Variants in ANKDD1A observed in about 807,000 individuals in gnomAD.
The protein encoded by ANKDD1A is ankyrin repeat and death domain containing 1A.
A neutral mutation model predicts 63.5 loss-of-function variants in ANKDD1A; 59 were observed. The observed-to-expected ratio is 0.93, with a 90% CI of 0.75 to 1.15. The LOEUF is 1.15. Among genes scored for constraint, ANKDD1A ranks in the 50% most tolerant of loss-of-function variants. ANKDD1A has a pLI of 0.00. For synonymous variants in ANKDD1A, 266 were observed against 263.9 expected, an observed-to-expected ratio of 1.01 and a Z score of -0.08; for missense variants, 632 against 656.4, an observed-to-expected ratio of 0.96 and a Z score of 0.41.
intron 14 of ANKDD1A, among the ~76,000 whole-genome samples, chr15:64,954,861 T>C (rs2085399689): frequency 2.9e-5 from 1 of 34,348 alleles, no homozygotes; most frequent in African/African-American, 5.3e-5. Flanking sequence ...TTCTTCTTTC[T>C]TCTCCTTTTC....
intron 6 of ANKDD1A, among the ~76,000 whole-genome samples, chr15:64,927,635 C>A (rs1198886924): frequency 7.0e-6 from 1 of 143,554 alleles, no homozygotes; most frequent in Non-Finnish European, 1.5e-5. Context: ...GACGGAGTCT[C>A]GCTCTGTCGT....
intron 8 of ANKDD1A, among the ~76,000 whole-genome samples, chr15:64,933,884 A>T (rs1298936869): frequency 1.3e-5 from 2 of 152,076 alleles, no homozygotes; most frequent in Non-Finnish European, 2.9e-5. Flanking sequence ...TACCAGCCAT[A>T]GAATTGGGCA....
intron 14 of ANKDD1A, among the ~76,000 whole-genome samples, chr15:64,955,252 A>G (rs757108284): frequency 2.8e-4 from 43 of 152,002 alleles, no homozygotes; most frequent in Non-Finnish European, 5.3e-4. Context: ...ACGGGGTTTC[A>G]CTGTGTTAGC....
chr15:64,945,498 A>G (rs937042384), intron 12 of ANKDD1A, among the ~76,000 whole-genome samples: 2 of 150,966 alleles, frequency 1.3e-5, no homozygotes, highest in East Asian at 3.9e-4. Context: ...GCTTTGTGTT[A>G]GATGATTTGC....
chr15:64,951,395 CTCT>C (rs1566915533), intron 14 of ANKDD1A: 3 of 104,002 alleles, frequency 2.9e-5, no homozygotes, highest in African/African-American at 6.4e-5. Context: ...TTTCTTCTTC[CTCT>C]TTTTTCTTTT....
In ANKDD1A at chr15:64,915,377, G is replaced by A. The variant is rs575145269; in HGVS notation, c.35-420G>A. ...CTCTGGCCTCACCCGGCGCTGGCACGCAGTAGGTGGCTCAGTAAATCCTGG... is the reference window on the plus strand; with the variant it reads ...CTCTGGCCTCACCCGGCGCTGGCACACAGTAGGTGGCTCAGTAAATCCTGG... On this transcript the variant is annotated intron_variant, in intron 1 of 14. Coordinates refer to ENST00000319580, the MANE Select transcript of ANKDD1A (RefSeq NM_182703.6). Among the ~76,000 whole-genome samples, 17 of 152,330 alleles carry A rather than the reference G, an allele frequency of 1.1e-4. No individual in the cohort carries two copies. The East Asian group carries it at 1.2e-3, about 10-fold the overall frequency.
intron 14 of ANKDD1A, among the ~76,000 whole-genome samples, chr15:64,956,470 A>G (rs1165381571): frequency 1.3e-5 from 2 of 152,088 alleles, no homozygotes; most frequent in Non-Finnish European, 2.9e-5. Context: ...GGAGAATGGC[A>G]TGAACCCGGG....
Position 64,942,517 on chromosome 15 carries a change from G to T in ANKDD1A, c.918G>T (p.Leu306Phe), listed in dbSNP as rs2085192684. ...HLAVRHNFPA[L>F]VRLLINSDSD... ...CTGTGAGGCACAACTTCCCTGCCTT[G>T]GTCCGGCTCCTCATCAACTCCGACA... Residue 306 changes from leucine to phenylalanine, a missense_variant, in exon 10 of 15, where the codon TTG becomes TTT. Physicochemically the swap from Leu to Phe is conservative, Grantham distance 22 (BLOSUM62 0). Transcript: ENST00000319580. The T allele has an allele frequency of 6.2e-7, 1 of 1,613,750 alleles. No individual in the cohort carries two copies. The highest frequency in any genetic ancestry group is 1.3e-5 in the African/African-American group (1 of 74,876).
intron 14 of ANKDD1A, chr15:64,951,018 G>T: frequency 7.9e-7 from 1 of 1,271,012 alleles, no homozygotes; most frequent in Non-Finnish European, 1.0e-6. Context: ...CCATGTAACC[G>T]GAGGGGCCAG....
At chr15:64,951,433 TTTC>T (rs1230497779) in intron 14 of ANKDD1A, 51 of 164,140 alleles carry the variant, frequency 3.1e-4, no homozygotes, top group African/African-American at 1.2e-3. Flanking sequence ...TTTTCTTCTT[TTTC>T]TTTCTTCTTC....
At position 64,917,005 on chromosome 15, in the gene ANKDD1A, G is replaced by A. The variant is rs368987255; in HGVS notation, c.139-381G>A. ...GGAGGATAATCCTTGGCCACATGGG[G>A]CTTTCCAGCAGGGGGAACAGCAGGA... On this transcript the variant is annotated intron_variant, in intron 2 of 14. Transcript: ENST00000319580. Among the ~76,000 whole-genome samples, 7 of 152,198 alleles carry A rather than the reference G, an allele frequency of 4.6e-5. No homozygotes were observed. The South Asian group carries it at 8.3e-4, about 18-fold the overall frequency.
chr15:64,944,118 A>C (rs2085206155), intron 11 of ANKDD1A, among the ~76,000 whole-genome samples: 1 of 152,204 alleles, frequency 6.6e-6, no homozygotes, highest in African/African-American at 2.4e-5. Context: ...GGGCAGGATC[A>C]GATCCTGAAG....
At chr15:64,955,345 G>A (rs1363610422) in intron 14 of ANKDD1A, among the ~76,000 whole-genome samples, 1 of 152,200 alleles carries the variant, frequency 6.6e-6, no homozygotes, top group Admixed American at 6.5e-5. Context: ...CAGAGTAGCT[G>A]CTTGCCACCT....
intron 3 of ANKDD1A, among the ~76,000 whole-genome samples, chr15:64,918,381 C>T (rs1302358433): frequency 6.6e-6 from 1 of 152,208 alleles, no homozygotes; most frequent in Non-Finnish European, 1.5e-5. Context: ...GGCTTGATTA[C>T]TAGTTGGGGT....
intron 14 of ANKDD1A, among the ~76,000 whole-genome samples, chr15:64,953,459 C>T (rs1274851586): frequency 1.7e-5 from 2 of 116,644 alleles, no homozygotes; most frequent in Admixed American, 8.2e-5. Context: ...TTTCTTCTCT[C>T]CTTCTTCTTC....
Position 64,930,917 on chromosome 15 carries a change from T to G in ANKDD1A, c.666T>G (p.Asn222Lys), listed in dbSNP as rs2085085322. 2 of 1,610,884 alleles carry G rather than the reference T, an allele frequency of 1.2e-6. No homozygotes were observed. The highest frequency in any genetic ancestry group is 1.7e-6 in the Non-Finnish European group (2 of 1,179,928). Residue 222 changes from asparagine to lysine, a missense_variant, in exon 7 of 15, where the codon AAT becomes AAG. Physicochemically the swap from Asn to Lys is moderately conservative, Grantham distance 94 (BLOSUM62 0). Transcript: ENST00000319580. ...TCGGGCTGGACCTGGAGGAGCAGAATGCGGTGAGTCACCGCCTGGGGATGG... is the reference window on the plus strand; with the variant it reads ...TCGGGCTGGACCTGGAGGAGCAGAAGGCGGTGAGTCACCGCCTGGGGATGG... ...VDIGLDLEEQ[N>K]AEGLTALHSA...
chr15:64,952,261 C>T (rs1178678045), intron 14 of ANKDD1A, among the ~76,000 whole-genome samples: 1 of 143,458 alleles, frequency 7.0e-6, no homozygotes, highest in Non-Finnish European at 1.5e-5. Context: ...CTCCTTCTTC[C>T]TTCTCCTTCT....
chr15:64,931,989 G>A (rs567236952), intron 8 of ANKDD1A: 133 of 231,590 alleles, frequency 5.7e-4, no homozygotes, highest in Non-Finnish European at 9.7e-4. Context: ...CGCCTCCTGG[G>A]TTCAAGCAGT....
At chr15:64,953,244 C>A (rs1425783844) in intron 14 of ANKDD1A, among the ~76,000 whole-genome samples, 3 of 145,146 alleles carry the variant, frequency 2.1e-5, no homozygotes, top group African/African-American at 7.7e-5. Flanking sequence ...TTTCTTCTTT[C>A]CTCCTCTTTC....
Sources: gnomAD v4.1 joint callset for allele counts (sites outside exome capture counted in the v4.1 genomes callset) on GRCh38, gnomAD v4.1.1 for gene constraint, MANE v1.5 for transcripts, NCBI Gene and HGNC (gene_info 2026-07-23, HGNC 2026-07-21) for gene names.